HPSE: variants seen among roughly 807,000 people sequenced by gnomAD.
The protein encoded by HPSE is heparanase.
HPSE carries 48 observed loss-of-function variants against 65.1 expected under a neutral mutation model. The observed-to-expected ratio is 0.74, with a 90% CI of 0.58 to 0.94. The LOEUF (loss-of-function observed/expected upper bound fraction) is 0.94. Ranked by LOEUF, HPSE falls within the 40% of genes least tolerant of loss-of-function variation. The pLI is 0.00. For synonymous variants in HPSE, 243 were observed against 260.0 expected, an observed-to-expected ratio of 0.93 and a Z score of 0.63; for missense variants, 644 against 637.5, an observed-to-expected ratio of 1.01 and a Z score of -0.11.
At chr4:83,328,210 G>A (rs1348845176) in intron 1 of HPSE, among the ~76,000 whole-genome samples, 4 of 152,192 alleles carry the variant, frequency 2.6e-5, no homozygotes, top group African/African-American at 4.8e-5. Flanking sequence ...TTGAAAAGCC[G>A]AAACGTTGAA....
chr4:83,318,058 A>G (rs1204676394), intron 3 of HPSE, among the ~76,000 whole-genome samples: 1 of 152,222 alleles, frequency 6.6e-6, no homozygotes, highest in Non-Finnish European at 1.5e-5. Flanking sequence ...CATATACATA[A>G]AAAATGTACA....
chr4:83,309,567 C>G (rs1347073049), intron 6 of HPSE, 72 bp from the exon 7 acceptor site: 2 of 831,678 alleles, frequency 2.4e-6, no homozygotes, highest in South Asian at 3.0e-5. Context: ...AATTGCTGAC[C>G]TTATTCTCCT....
intron 1 of HPSE, among the ~76,000 whole-genome samples, chr4:83,330,022 A>T (rs1737304060): frequency 6.6e-6 from 1 of 152,256 alleles, no homozygotes; most frequent in South Asian, 2.1e-4. Flanking sequence ...TCTTTCACTC[A>T]ATTTCAAAAT....
In HPSE at chr4:83,300,973, C is replaced by T. The variant is rs757651539; in HGVS notation, c.1459G>A (p.Gly487Arg). 6.9e-6 allele frequency: 11 copies of T among 1,587,434 alleles called. No homozygotes were observed. In the East Asian group the frequency reaches 2.3e-4, roughly 33 times the overall value. The change falls in exon 11 of 12, where the codon GGA (glycine) becomes AGA (arginine). Residue 487 changes from glycine (G) to arginine (R), a missense_variant. Transcript: ENST00000311412. ...AAAATTACTTACTTGGAAAGTAATC[C>T]ATGAGGTCCCAAAGGTCTTAGAAGG... ...KYLLRPLGPH[G>R]LLSKSVQLNG...
Position 83,300,945 on chromosome 4 carries a change from A to T in HPSE, c.1472+15T>A, listed in dbSNP as rs369867010. The T allele has an allele frequency of 2.8e-5, 43 of 1,560,632 alleles. No homozygotes were observed. The highest frequency in any genetic ancestry group is 3.7e-5 in the Non-Finnish European group (42 of 1,149,132). On this transcript the variant is annotated intron_variant, in intron 11 of 11. Coordinates refer to ENST00000311412, the MANE Select transcript of HPSE (RefSeq NM_001098540.3). Reference sequence around the variant, plus strand: ...ATTTATTGAAAGTTTGGAATGAACAAGGAAAATTACTTACTTGGAAAGTAA... The same window carrying T: ...ATTTATTGAAAGTTTGGAATGAACATGGAAAATTACTTACTTGGAAAGTAA...
Position 83,307,408 on chromosome 4 carries a change from T to TGCAGCA in HPSE, c.1092-1097_1092-1092dup, listed in dbSNP as rs35936108. Reference sequence around the variant, plus strand: ...TCATTTAAATGAAATGGCAACTGCATGCAGCAGCAGCAGCAGCAGCAGAAT... The same window carrying TGCAGCA: ...TCATTTAAATGAAATGGCAACTGCATGCAGCAGCAGCAGCAGCAGCAGCAGCAGAAT... On this transcript the variant is annotated intron_variant, in intron 8 of 11. Transcript: ENST00000311412. Among the ~76,000 whole-genome samples, 119 of 151,910 alleles carry TGCAGCA rather than the reference T, an allele frequency of 7.8e-4. No homozygotes were observed. The East Asian group carries it at 0.014, about 18-fold the overall frequency.
Position 83,319,655 on chromosome 4 carries a change from A to G in HPSE, c.374-186T>C, listed in dbSNP as rs533758573. Among the ~76,000 whole-genome samples, 6 of 152,326 alleles carry G rather than the reference A, an allele frequency of 3.9e-5. No individual in the cohort carries two copies. The South Asian group carries it at 1.2e-3, about 32-fold the overall frequency. Reference sequence around the variant, plus strand: ...CAAATTTGCCGGCTCATGAATTACCACAAAGAAAACAACCAAGGGCAGGTT... The same window carrying G: ...CAAATTTGCCGGCTCATGAATTACCGCAAAGAAAACAACCAAGGGCAGGTT... On this transcript the variant is annotated intron_variant, in intron 2 of 11. Coordinates refer to ENST00000311412, the MANE Select transcript of HPSE (RefSeq NM_001098540.3).
Position 83,310,866 on chromosome 4 carries a change from G to A in HPSE, c.698C>T (p.Ala233Val). The A allele has an allele frequency of 6.2e-7, 1 of 1,613,328 alleles. No individual in the cohort carries two copies. The highest frequency in any genetic ancestry group is 8.5e-7 in the Non-Finnish European group (1 of 1,179,476). ...GNEPNSFLKKADIFINGSQLG... is the reference protein window; with the variant it reads ...GNEPNSFLKKVDIFINGSQLG... ...CTGCGACCCATTGATGAAAATATCA[G>A]CCTTCTTAAGGAAACTGTTAGGTTC... Residue 233 changes from alanine to valine, a missense_variant, in exon 5 of 12, where the codon GCT (alanine) becomes GTT (valine). Physicochemically the swap from Ala to Val is moderately conservative, Grantham distance 64. Transcript: ENST00000311412.
In HPSE at chr4:83,306,263, C is replaced by A; in HGVS notation, c.1146G>T (p.Arg382Ser). ...SARMGIEVVMRQVFFGAGNYH... is the reference protein window; with the variant it reads ...SARMGIEVVMSQVFFGAGNYH... ...AGTTTCCTGCTCCAAAGAATACTTG[C>A]CTCATCACCACTTCTATTCCCATTC... The change falls in exon 9 of 12, where the codon AGG (arginine) becomes AGT (serine). Residue 382 changes from arginine (R) to serine (S), a missense_variant. Physicochemically the swap from Arg to Ser is moderately radical, Grantham distance 110. Coordinates refer to ENST00000311412, the MANE Select transcript of HPSE (RefSeq NM_001098540.3). 3 of 1,613,918 alleles carry A rather than the reference C, an allele frequency of 1.9e-6. No homozygotes were observed. Among genetic ancestry groups the A allele is most frequent in the Non-Finnish European group, 2.5e-6 (3 of 1,179,818 alleles).
intron 5 of HPSE, 103 bp downstream of exon 5, chr4:83,310,619 C>T (rs770835401): frequency 1.0e-5 from 11 of 1,078,532 alleles, no homozygotes; most frequent in Non-Finnish European, 1.2e-5. Context: ...TTGCAGTGAG[C>T]CATGATTGTA....
chr4:83,305,043 C>T (rs545593793), intron 9 of HPSE, among the ~76,000 whole-genome samples: 1 of 152,324 alleles, frequency 6.6e-6, no homozygotes, highest in South Asian at 2.1e-4. Flanking sequence ...AATAAAGTCA[C>T]AGACATGTAG....
chr4:83,309,258 G>A (rs1736273023), intron 7 of HPSE, 144 bp downstream of exon 7: 1 of 614,942 alleles, frequency 1.6e-6, no homozygotes, highest in African/African-American at 1.9e-5. Context: ...ATGCTAAGGG[G>A]AAAACTAACA....
intron 1 of HPSE, among the ~76,000 whole-genome samples, chr4:83,328,871 G>A (rs1737253453): frequency 6.6e-6 from 1 of 152,084 alleles, no homozygotes; most frequent in East Asian, 1.9e-4. Context: ...GGGAGGGGAC[G>A]GGATTCAGGG....
At chr4:83,295,702 T>C (rs1489868260) in intron 11 of HPSE, among the ~76,000 whole-genome samples, 199 bp from the exon 12 acceptor site, 1 of 152,204 alleles carries the variant, frequency 6.6e-6, no homozygotes, top group African/African-American at 2.4e-5. Flanking sequence ...GGATGAGTAG[T>C]TATGATAGAG....
At chr4:83,299,406 TCTACA>T (rs1735855747) in intron 11 of HPSE, among the ~76,000 whole-genome samples, 1 of 146,478 alleles carries the variant, frequency 6.8e-6, no homozygotes, top group Non-Finnish European at 1.5e-5. Flanking sequence ...AGAGAAAATG[TCTACA>T]GAGGCTATGT....
intron 9 of HPSE, among the ~76,000 whole-genome samples, chr4:83,303,682 T>C (rs1210107390): frequency 6.6e-6 from 1 of 152,228 alleles, no homozygotes; most frequent in African/African-American, 2.4e-5. Context: ...CTCATGTAGC[T>C]GGGACCACAG....
chr4:83,302,398 G>GGATTCA lies in HPSE; in HGVS notation c.1207-136_1207-131dup, dbSNP rs1446511469. The GGATTCA allele has an allele frequency of 6.7e-6, 4 of 598,892 alleles. No individual in the cohort carries two copies. In the Admixed American group the frequency reaches 9.5e-5, roughly 14 times the overall value. 37.1% of individuals were successfully genotyped at this position (598,892 alleles called of 1,614,324 possible). A position where few individuals can be genotyped will look rare whatever the true frequency, so the allele number is the denominator to read the frequency against. The stretch of plus-strand genomic sequence containing the variant: ...CTGTTATCCTGGGGGCATTTAAATA[G>GGATTCA]GATTCATCTTTTTTTTTTTTTTCCC... On this transcript the variant is annotated intron_variant, in intron 9 of 11. Coordinates refer to ENST00000311412, the MANE Select transcript of HPSE (RefSeq NM_001098540.3).
intron 11 of HPSE, among the ~76,000 whole-genome samples, chr4:83,298,568 A>T (rs915647315): frequency 6.6e-6 from 1 of 152,108 alleles, no homozygotes; most frequent in African/African-American, 2.4e-5. Flanking sequence ...GCAGTTTTTC[A>T]TGCCTGTAAT....
intron 1 of HPSE, among the ~76,000 whole-genome samples, chr4:83,325,305 A>G (rs962368255): frequency 6.6e-5 from 10 of 151,928 alleles, no homozygotes; most frequent in African/African-American, 2.2e-4. Context: ...AGCTGGGACT[A>G]TACGCACCCA....
Sources: gnomAD v4.1 joint callset for allele counts (sites outside exome capture counted in the v4.1 genomes callset) on GRCh38, gnomAD v4.1.1 for gene constraint, MANE v1.5 for transcripts, NCBI Gene and HGNC (gene_info 2026-07-23, HGNC 2026-07-21) for gene names.